Variants in PCDHGA11 observed in about 807,000 individuals in gnomAD.
PCDHGA11 encodes the protein protocadherin gamma-A11.
In PCDHGA11, 39 loss-of-function variants were observed where a neutral mutation model predicts 60.4. The observed-to-expected ratio is 0.65, with a 90% confidence interval of 0.50 to 0.84. The LOEUF is 0.84. Ranked by LOEUF, PCDHGA11 falls within the 40% of genes least tolerant of loss-of-function variation. The pLI is 0.00. For missense variants in PCDHGA11, 1,165 were observed against 1,197.7 expected (o/e 0.97, Z 0.40); for synonymous variants, 533 against 510.3 (o/e 1.04, Z -0.60).
At position 141,486,821 on chromosome 5, in the gene PCDHGA11, A is replaced by T. The variant is rs756652952; in HGVS notation, c.2434-7986A>T. On this transcript the variant is annotated intron_variant, in intron 1 of 3. Transcript: ENST00000398587. The surrounding 1 kb of genome is among the most constrained non-coding windows in gnomAD (Gnocchi z 5.0). ...CAACCCACCCCTTAGCAGCACTGTA[A>T]CAGTTCGTCTATTTGTGCTGGACCT... 36 of 1,614,116 alleles carry T rather than the reference A, an allele frequency of 2.2e-5. No individual in the cohort carries two copies. In the South Asian group the frequency reaches 3.4e-4, roughly 15 times the overall value.
In PCDHGA11 at chr5:141,454,796, ATTTTT is replaced by A. The variant is rs61612330; in HGVS notation, c.2433+31161_2433+31165del. Among the ~76,000 whole-genome samples the A allele has an allele frequency of 4.9e-3, 378 of 77,354 alleles. 2 individuals carry two copies. Among genetic ancestry groups the A allele is most frequent in the Admixed American group, 9.2e-3 (51 of 5,544 alleles). 50.7% of individuals were successfully genotyped at this position (77,354 alleles called of 152,430 possible). On this transcript the variant is annotated intron_variant, in intron 1 of 3. Coordinates refer to ENST00000398587, the MANE Select transcript of PCDHGA11 (RefSeq NM_018914.3). ...AAGGAAATAATCCTCCATGGTTCTA[ATTTTT>A]TTTTTTTTTTTTTTTTTTTTTTTTG...
chr5:141,450,815 A>AT (rs1554136868), intron 1 of PCDHGA11, among the ~76,000 whole-genome samples: 4,329 of 126,688 alleles, frequency 0.034, 70 homozygotes, highest in Middle Eastern at 0.091. Flanking sequence ...TATTTATTTA[A>AT]TATTATTATT....
chr5:141,489,222 A>C lies in PCDHGA11; in HGVS notation c.2434-5585A>C. On this transcript the variant is annotated intron_variant, in intron 1 of 3. Coordinates refer to ENST00000398587, the MANE Select transcript of PCDHGA11 (RefSeq NM_018914.3). The surrounding 1 kb of genome is among the most constrained non-coding windows in gnomAD (Gnocchi z 4.5). ...ACAGGACAGCACAGACTTACTCTCC[A>C]CAAAGGGACTTCTGGGTCATGGGGC... 6.6e-7 allele frequency: 1 copy of C among 1,515,652 alleles called. No individual in the cohort carries two copies. Among genetic ancestry groups the C allele is most frequent in the Middle Eastern group, 1.8e-4 (1 of 5,598 alleles). 93.9% of individuals were successfully genotyped at this position (1,515,652 alleles called of 1,614,324 possible).
At chr5:141,424,715 G>A (rs1299933373) in intron 1 of PCDHGA11, 1 of 152,132 alleles carries the variant, frequency 6.6e-6, no homozygotes, top group Admixed American at 6.6e-5. Flanking sequence ...TTTCAGTGTA[G>A]TTGGGAGTCA....
intron 2 of PCDHGA11, among the ~76,000 whole-genome samples, chr5:141,502,238 T>A (rs2099813398): frequency 6.6e-6 from 1 of 152,204 alleles, no homozygotes; most frequent in Non-Finnish European, 1.5e-5. Flanking sequence ...TGTGTTCTTT[T>A]ATCCTTTTTT....
At position 141,491,753 on chromosome 5, in the gene PCDHGA11, C is replaced by T. The variant is rs373728953; in HGVS notation, c.2434-3054C>T. On this transcript the variant is annotated intron_variant, in intron 1 of 3. Coordinates refer to ENST00000398587, the MANE Select transcript of PCDHGA11 (RefSeq NM_018914.3). The surrounding 1 kb of genome is among the most constrained non-coding windows in gnomAD (Gnocchi z 6.9). ...ACCCCTGGGGGCGGCACTGGAGAAGCCGCCCGTCCTCATAAGGGATTGAAC... is the reference window on the plus strand; with the variant it reads ...ACCCCTGGGGGCGGCACTGGAGAAGTCGCCCGTCCTCATAAGGGATTGAAC... 4 of 1,585,146 alleles carry T rather than the reference C, an allele frequency of 2.5e-6. No homozygotes were observed. Among genetic ancestry groups the T allele is most frequent in the East Asian group, 2.3e-5 (1 of 43,412 alleles).
chr5:141,510,252 G>A (rs1342841474), intron 3 of PCDHGA11, among the ~76,000 whole-genome samples: 4 of 148,432 alleles, frequency 2.7e-5, no homozygotes, highest in Admixed American at 1.3e-4. Context: ...CAGGCTGGGC[G>A]ACAGAGCAGG....
intron 2 of PCDHGA11, among the ~76,000 whole-genome samples, chr5:141,504,143 C>A (rs2099835975): frequency 6.6e-6 from 1 of 152,136 alleles, no homozygotes; most frequent in Non-Finnish European, 1.5e-5. Flanking sequence ...CACTCCCCTG[C>A]AAATTGAAAT....
chr5:141,492,619 G>A lies in PCDHGA11; in HGVS notation c.2434-2188G>A, dbSNP rs778698501. ...GCGACTGCCGCTCTAAGTGCCGGGC[G>A]GGCAGGACTCTACGATCCTTGGGCC... On this transcript the variant is annotated intron_variant, in intron 1 of 3. Coordinates refer to ENST00000398587, the MANE Select transcript of PCDHGA11 (RefSeq NM_018914.3). 7.8e-4 allele frequency among the ~76,000 whole-genome samples: 118 copies of A among 152,234 alleles called. 1 individual carries two copies. The highest frequency in any genetic ancestry group is 3.3e-3 in the Admixed American group (51 of 15,282).
intron 1 of PCDHGA11, among the ~76,000 whole-genome samples, chr5:141,426,099 G>A (rs1590666889): frequency 1.3e-5 from 2 of 152,348 alleles, no homozygotes; most frequent in African/African-American, 4.8e-5. Context: ...ATTCTGTTCA[G>A]TCACAGAAGC....
rs1461617825 is a variant in PCDHGA11, at chr5:141,431,902, G to A, written c.2433+8242G>A. On this transcript the variant is annotated intron_variant, in intron 1 of 3. Coordinates refer to ENST00000398587, the MANE Select transcript of PCDHGA11 (RefSeq NM_018914.3). This position sits in a 1 kb window ranked among gnomAD's most constrained non-coding sequence, Gnocchi z 4.8. ...ACCAAGATTCTGAGGAAAACGGACA[G>A]GTGATCTGTTTCATCCAAGGAAATC... 1.2e-6 allele frequency: 2 copies of A among 1,613,764 alleles called. No homozygotes were observed. The highest frequency in any genetic ancestry group is 1.3e-5 in the African/African-American group (1 of 74,918).
intron 1 of PCDHGA11, among the ~76,000 whole-genome samples, chr5:141,425,427 A>G (rs925551543): frequency 2.2e-4 from 33 of 152,362 alleles, no homozygotes; most frequent in Non-Finnish European, 4.1e-4. Flanking sequence ...GTCCCATTAA[A>G]TAGAGGATAA....
In PCDHGA11 at chr5:141,485,126, G is replaced by C; in HGVS notation, c.2434-9681G>C. ...TGCTGTGGCTGTTTGGGGCGGGTCG[G>C]CTTCATCCGCGTCTCAGGAGCAAGT... On this transcript the variant is annotated intron_variant, in intron 1 of 3. Transcript: ENST00000398587. The surrounding 1 kb of genome is among the most constrained non-coding windows in gnomAD (Gnocchi z 5.7). 1.4e-6 allele frequency: 2 copies of C among 1,432,378 alleles called. No homozygotes were observed. The highest frequency in any genetic ancestry group is 2.4e-5 in the South Asian group (2 of 81,724). 88.7% of individuals were successfully genotyped at this position (1,432,378 alleles called of 1,614,324 possible). A position where few individuals can be genotyped will look rare whatever the true frequency, so the allele number is the denominator to read the frequency against.
At position 141,485,073 on chromosome 5, in the gene PCDHGA11, C is replaced by T. The variant is rs1167407526; in HGVS notation, c.2434-9734C>T. ...CGGCCGAACCGCGCCAGAGCTGGCG[C>T]GGGGAAAGGGAGATAGGTGTCTCCA... On this transcript the variant is annotated intron_variant, in intron 1 of 3. Transcript: ENST00000398587. The surrounding 1 kb of genome is among the most constrained non-coding windows in gnomAD (Gnocchi z 5.7). 3.3e-6 allele frequency: 3 copies of T among 922,354 alleles called. No homozygotes were observed. The highest frequency in any genetic ancestry group is 4.8e-5 in the East Asian group (2 of 41,404). 57.1% of individuals were successfully genotyped at this position (922,354 alleles called of 1,614,324 possible).
chr5:141,426,523 G>A (rs1018320941), intron 1 of PCDHGA11: 14 of 342,474 alleles, frequency 4.1e-5, no homozygotes, highest in African/African-American at 3.0e-4. Flanking sequence ...CGTGAACACG[G>A]AGAATGGGAA....
rs1263406836 is a variant in PCDHGA11 at position 141,491,918 on chromosome 5, G to A, written c.2434-2889G>A. On this transcript the variant is annotated intron_variant, in intron 1 of 3. Coordinates refer to ENST00000398587, the MANE Select transcript of PCDHGA11 (RefSeq NM_018914.3). The surrounding 1 kb of genome is among the most constrained non-coding windows in gnomAD (Gnocchi z 6.9). ...GCACCGGGGGTGGTGGCGACTGTGGGCGAGGGGAGGTGGGACCGACCCCCA... is the reference window on the plus strand; with the variant it reads ...GCACCGGGGGTGGTGGCGACTGTGGACGAGGGGAGGTGGGACCGACCCCCA... 2 of 1,371,698 alleles carry A rather than the reference G, an allele frequency of 1.5e-6. No homozygotes were observed. Among genetic ancestry groups the A allele is most frequent in the Non-Finnish European group, 1.9e-6 (2 of 1,028,962 alleles). 85.0% of individuals were successfully genotyped at this position (1,371,698 alleles called of 1,614,324 possible).
intron 1 of PCDHGA11, among the ~76,000 whole-genome samples, chr5:141,455,844 T>TA (rs2098833146): frequency 6.6e-6 from 1 of 150,818 alleles, no homozygotes; most frequent in Non-Finnish European, 1.5e-5. Flanking sequence ...TCTATCTGCA[T>TA]AAAATAATTT....
At chr5:141,500,145 T>C (rs2099796736) in intron 2 of PCDHGA11, among the ~76,000 whole-genome samples, 2 of 151,992 alleles carry the variant, frequency 1.3e-5, no homozygotes, top group East Asian at 3.9e-4. Context: ...TAAACTTTTC[T>C]TTGTGTAATC....
intron 1 of PCDHGA11, among the ~76,000 whole-genome samples, chr5:141,459,348 C>G (rs1015330513): frequency 2.6e-5 from 4 of 152,194 alleles, no homozygotes; most frequent in Admixed American, 2.0e-4. Context: ...TCTTGAAATT[C>G]ATTCATGTTC....
Sources: allele counts gnomAD v4.1 joint callset (sites outside exome capture counted in the v4.1 genomes callset), GRCh38; gene constraint gnomAD v4.1.1; non-coding constraint Gnocchi (gnomAD v3.1); transcripts MANE v1.5; gene names NCBI Gene and HGNC (gene_info 2026-07-23, HGNC 2026-07-21).